The following PRKCB variants were observed in gnomAD, a reference collection of about 807,000 sequenced individuals.
PRKCB encodes protein kinase C beta type.
In PRKCB, 13 loss-of-function variants were observed where a neutral mutation model predicts 81.5. That is an observed-to-expected ratio of 0.16 (90% confidence interval 0.10 to 0.25). The LOEUF is 0.25. PRKCB is among the 10% of genes least tolerant of loss of function. The pLI, the probability that PRKCB is intolerant of heterozygous loss-of-function variation, is 1.00. For missense variants in PRKCB, 509 were observed against 875.7 expected, an observed-to-expected ratio of 0.58 and a Z score of 5.29; for synonymous variants, 335 against 321.4, an observed-to-expected ratio of 1.04 and a Z score of -0.45.
At chr16:23,959,460 T>A (rs979704883) in intron 2 of PRKCB, among the ~76,000 whole-genome samples, 1 of 152,162 alleles carries the variant, frequency 6.6e-6, no homozygotes, top group Admixed American at 6.5e-5. Context: ...ACGGGGTGAA[T>A]GTACGGTTGC....
intron 5 of PRKCB, among the ~76,000 whole-genome samples, chr16:24,036,491 T>G (rs184653743): frequency 6.6e-6 from 1 of 152,086 alleles, no homozygotes; most frequent in Non-Finnish European, 1.5e-5. Context: ...ACTCAGGAAA[T>G]TGATCATGGA....
At chr16:24,212,575 C>G (rs1308059057) in intron 16 of PRKCB, among the ~76,000 whole-genome samples, 1 of 148,810 alleles carries the variant, frequency 6.7e-6, no homozygotes, top group Admixed American at 6.8e-5. Flanking sequence ...CTCGCTGGCT[C>G]AAGCAATTCT....
intron 2 of PRKCB, among the ~76,000 whole-genome samples, chr16:23,942,442 G>T (rs964778256): frequency 6.6e-6 from 1 of 152,258 alleles, no homozygotes; most frequent in African/African-American, 2.4e-5. Context: ...TCCTTCCATA[G>T]ACATGTGAGC....
chr16:24,046,009 T>A (rs575646546), intron 5 of PRKCB, among the ~76,000 whole-genome samples: 6 of 152,368 alleles, frequency 3.9e-5, no homozygotes, highest in African/African-American at 1.4e-4. Context: ...CTTTCATTGG[T>A]GACCTGCACC....
intron 3 of PRKCB, among the ~76,000 whole-genome samples, chr16:23,996,594 C>T (rs1964960060): frequency 6.6e-6 from 1 of 152,240 alleles, no homozygotes; most frequent in African/African-American, 2.4e-5. Context: ...ACAGATTTGC[C>T]TTCCCTGCCT....
chr16:23,878,597 G>T (rs373302738), intron 2 of PRKCB, among the ~76,000 whole-genome samples: 1 of 152,162 alleles, frequency 6.6e-6, no homozygotes, highest in Non-Finnish European at 1.5e-5. Flanking sequence ...ACATGGTTTT[G>T]TTCATCCTCA....
intron 9 of PRKCB, among the ~76,000 whole-genome samples, chr16:24,125,555 C>A (rs957310113): frequency 6.6e-6 from 1 of 152,230 alleles, no homozygotes; most frequent in East Asian, 1.9e-4. Context: ...AAAGTTGCCG[C>A]TCATTCACTG....
intron 16 of PRKCB, among the ~76,000 whole-genome samples, chr16:24,212,813 T>C (rs8061231): frequency 0.059 from 8,889 of 151,890 alleles, 383 homozygotes; most frequent in East Asian, 0.17. Context: ...AGGACTCTCA[T>C]TGGCCTCTCA....
chr16:24,191,170 G>T lies in PRKCB; in HGVS notation c.1803G>T (p.Arg601=). The change falls in exon 16 of 17, where the codon CGG becomes CGT. Residue 601 remains arginine, a synonymous_variant. Coordinates refer to ENST00000643927, the MANE Select transcript of PRKCB (RefSeq NM_002738.7). ...ATATCAAAGAGCATGCATTTTTCCGGTATATTGATTGGGAGAAACTTGAAC... is the reference window on the plus strand; with the variant it reads ...ATATCAAAGAGCATGCATTTTTCCGTTATATTGATTGGGAGAAACTTGAAC... ...ERDIKEHAFF[R]YIDWEKLERK... is the part of the protein sequence containing the mutation. 6.2e-7 allele frequency: 1 copy of T among 1,614,024 alleles called. No homozygotes were observed. The highest frequency in any genetic ancestry group is 8.5e-7 in the Non-Finnish European group (1 of 1,180,000).
chr16:24,151,651 A>T, intron 9 of PRKCB: 1 of 386,106 alleles, frequency 2.6e-6, no homozygotes, highest in Non-Finnish European at 5.2e-6. Flanking sequence ...GTGCAAGAGC[A>T]TGGAAGGACG....
intron 5 of PRKCB, among the ~76,000 whole-genome samples, chr16:24,043,727 G>A (rs1036699777): frequency 3.9e-5 from 6 of 152,136 alleles, no homozygotes; most frequent in Admixed American, 6.5e-5. Flanking sequence ...CCAGGCCAGC[G>A]TCTGAGGCCT....
intron 5 of PRKCB, among the ~76,000 whole-genome samples, chr16:24,046,007 G>T (rs371675466): frequency 6.6e-6 from 1 of 152,206 alleles, no homozygotes; most frequent in Non-Finnish European, 1.5e-5. Flanking sequence ...CTCTTTCATT[G>T]GTGACCTGCA....
At chr16:23,894,490 A>G (rs980639643) in intron 2 of PRKCB, among the ~76,000 whole-genome samples, 1 of 152,164 alleles carries the variant, frequency 6.6e-6, no homozygotes, top group Admixed American at 6.5e-5. Flanking sequence ...ATCACTGGAT[A>G]TAATCATTGG....
At chr16:24,038,219 G>A (rs1432469098) in intron 5 of PRKCB, among the ~76,000 whole-genome samples, 1 of 151,944 alleles carries the variant, frequency 6.6e-6, no homozygotes, top group African/African-American at 2.4e-5. Flanking sequence ...AACAAAAAAG[G>A]CCAGGTGTGG....
chr16:23,891,146 C>T (rs941045250), intron 2 of PRKCB, among the ~76,000 whole-genome samples: 8 of 151,958 alleles, frequency 5.3e-5, no homozygotes, highest in African/African-American at 1.9e-4. Context: ...AAGTGAGCCT[C>T]CCAACTCAGC....
intron 5 of PRKCB, among the ~76,000 whole-genome samples, chr16:24,058,665 A>G (rs2141875586): frequency 6.6e-6 from 1 of 152,250 alleles, no homozygotes; most frequent in East Asian, 1.9e-4. Flanking sequence ...AGAAGCATGA[A>G]TGTTACCATG....
At chr16:24,162,788 G>A (rs59091057) in intron 10 of PRKCB, among the ~76,000 whole-genome samples, 2,298 of 152,098 alleles carry the variant, frequency 0.015, 50 homozygotes, top group African/African-American at 0.053. Context: ...TAGTTAATGC[G>A]TGCAATGTAC....
chr16:23,849,260 C>T (rs1289246360), intron 2 of PRKCB, among the ~76,000 whole-genome samples: 1 of 152,162 alleles, frequency 6.6e-6, no homozygotes. Context: ...ATTTGGGTTC[C>T]CTTCACCCTT....
intron 12 of PRKCB, chr16:24,174,801 A>G (rs77432498): frequency 9.4e-5 from 45 of 478,472 alleles, no homozygotes; most frequent in Non-Finnish European, 1.2e-4. Flanking sequence ...TGTGTCACCA[A>G]TGATGGTTCA....
Sources: allele counts gnomAD v4.1 joint callset (sites outside exome capture counted in the v4.1 genomes callset), GRCh38; gene constraint gnomAD v4.1.1; transcripts MANE v1.5; gene names NCBI Gene and HGNC (gene_info 2026-07-23, HGNC 2026-07-21).